CUX2: variants seen among roughly 807,000 people sequenced by gnomAD.
CUX2 encodes the protein homeobox protein cut-like 2.
In CUX2, 40 loss-of-function variants were observed where a neutral mutation model predicts 144.8. The observed-to-expected ratio is 0.28, with a 90% CI of 0.21 to 0.36. The LOEUF is 0.36. Ranked by LOEUF, CUX2 falls within the 10% of genes least tolerant of loss-of-function variation. CUX2 has a pLI of 1.00. For missense variants in CUX2, 1,615 were observed against 1,994.0 expected (o/e 0.81, Z 3.62); for synonymous variants, 827 against 875.6 (o/e 0.94, Z 0.98).
intron 1 of CUX2, among the ~76,000 whole-genome samples, chr12:111,085,695 A>G (rs774305267): frequency 3.9e-5 from 6 of 152,262 alleles, no homozygotes; most frequent in South Asian, 2.1e-4. Context: ...GCCACAGCAC[A>G]TCTTTCGCCT....
intron 1 of CUX2, among the ~76,000 whole-genome samples, chr12:111,200,982 T>C (rs991153016): frequency 6.6e-6 from 1 of 152,066 alleles, no homozygotes; most frequent in South Asian, 2.1e-4. Context: ...ATTTAAACAA[T>C]AGTGGGGCAG....
At chr12:111,229,042 G>A (rs535631971) in intron 3 of CUX2, among the ~76,000 whole-genome samples, 3 of 152,170 alleles carry the variant, frequency 2.0e-5, no homozygotes, top group Non-Finnish European at 4.4e-5. Flanking sequence ...ATATAAAGGC[G>A]TAGAACAGTG....
rs111264693 is a variant in CUX2, at chr12:111,098,717, CCT to C, written c.63+64484_63+64485del. On this transcript the variant is annotated intron_variant, in intron 1 of 21. Coordinates refer to ENST00000261726, the MANE Select transcript of CUX2 (RefSeq NM_015267.4). Reference sequence around the variant, plus strand: ...AAGAGCAGGAAGCCAACGTCACCTCCCTCTCTCTAGCAAGGACTCATGTTGGT... The same window carrying C: ...AAGAGCAGGAAGCCAACGTCACCTCCCTCTCTAGCAAGGACTCATGTTGGT... Among the ~76,000 whole-genome samples the C allele has an allele frequency of 9.0e-3, 1,373 of 152,350 alleles. 28 individuals carry two copies. Among genetic ancestry groups the C allele is most frequent in the African/African-American group, 0.031 (1,286 of 41,590 alleles).
chr12:111,346,425 G>A (rs1466527198), intron 21 of CUX2, among the ~76,000 whole-genome samples: 1 of 149,598 alleles, frequency 6.7e-6, no homozygotes, highest in African/African-American at 2.5e-5. Flanking sequence ...GCAGTGAGCC[G>A]CGATTGCGCC....
At chr12:111,314,639 T>TAA (rs954472479) in intron 16 of CUX2, among the ~76,000 whole-genome samples, 64 of 23,212 alleles carry the variant, frequency 2.8e-3, no homozygotes, top group South Asian at 3.6e-3. Flanking sequence ...AAACTCAGTC[T>TAA]AAAAAAAAAA....
At chr12:111,142,043 C>G (rs1389830303) in intron 1 of CUX2, among the ~76,000 whole-genome samples, 2 of 152,162 alleles carry the variant, frequency 1.3e-5, no homozygotes, top group Non-Finnish European at 2.9e-5. Flanking sequence ...AAGATCACGC[C>G]ACTGCACTCC....
At chr12:111,219,696 G>T (rs1488015616) in intron 3 of CUX2, among the ~76,000 whole-genome samples, 1 of 152,204 alleles carries the variant, frequency 6.6e-6, no homozygotes, top group African/African-American at 2.4e-5. Flanking sequence ...TGTAATGTCT[G>T]ACACACGAAG....
chr12:111,140,533 G>A (rs565788107), intron 1 of CUX2, among the ~76,000 whole-genome samples: 4 of 152,308 alleles, frequency 2.6e-5, no homozygotes, highest in African/African-American at 4.8e-5. Flanking sequence ...TTCCAGCTTC[G>A]TGGCTGGGTG....
chr12:111,128,202 A>G (rs2136105857), intron 1 of CUX2, among the ~76,000 whole-genome samples: 1 of 152,324 alleles, frequency 6.6e-6, no homozygotes, highest in South Asian at 2.1e-4. Context: ...GAATTGCAGG[A>G]CTGGCCATTT....
At chr12:111,085,171 T>A (rs1457129872) in intron 1 of CUX2, among the ~76,000 whole-genome samples, 1 of 152,174 alleles carries the variant, frequency 6.6e-6, no homozygotes, top group East Asian at 1.9e-4. Flanking sequence ...ATGGAGGTGC[T>A]GTGGTGTGCT....
At position 111,293,459 on chromosome 12, in the gene CUX2, G is replaced by A. The variant is rs767661888; in HGVS notation, c.450G>A (p.Gly150=). ...TTCTCCCTGCAGAGCAGAGAGAGGG[G>A]ACGTCGCCTGCCGGGCCCACGCTGA... The part of the protein sequence containing the change: ...ELLSPKEQRE[G]TSPAGPTLTE... The change falls in exon 6 of 22, where the codon GGG becomes GGA. Residue 150 remains glycine (G), a synonymous_variant. Coordinates refer to ENST00000261726, the MANE Select transcript of CUX2 (RefSeq NM_015267.4). This position sits in a 1 kb window ranked among gnomAD's most constrained non-coding sequence, Gnocchi z 4.5. 3.5e-5 allele frequency: 57 copies of A among 1,608,212 alleles called. No homozygotes were observed. Among genetic ancestry groups the A allele is most frequent in the Non-Finnish European group, 4.5e-5 (53 of 1,178,362 alleles).
intron 1 of CUX2, among the ~76,000 whole-genome samples, chr12:111,054,068 T>C (rs1344728335): frequency 6.6e-6 from 1 of 152,050 alleles, no homozygotes; most frequent in African/African-American, 2.4e-5. Context: ...GCAGGAGAAT[T>C]GCTTGAACCC....
At chr12:111,054,960 A>G (rs565333827) in intron 1 of CUX2, among the ~76,000 whole-genome samples, 2 of 152,298 alleles carry the variant, frequency 1.3e-5, no homozygotes, top group East Asian at 3.9e-4. Context: ...TTTGCAGAGG[A>G]GGAAGCTGAG....
intron 1 of CUX2, among the ~76,000 whole-genome samples, chr12:111,105,771 C>T (rs1352454323): frequency 6.6e-6 from 1 of 152,152 alleles, no homozygotes. Context: ...AACAGTAATA[C>T]CTGCTGCATG....
chr12:111,119,732 A>G (rs1202704710), intron 1 of CUX2, among the ~76,000 whole-genome samples: 2 of 152,222 alleles, frequency 1.3e-5, no homozygotes, highest in Admixed American at 6.5e-5. Flanking sequence ...GCATGAATAC[A>G]CTGAAAAAAT....
Position 111,034,166 on chromosome 12 carries a change from A to G in CUX2, c.-12A>G. ...CAAACTCTTGTGTGTGCGCGTCTCG[A>G]TAGCCCCCAAGATGGCCGCCAATGT... On this transcript the variant is annotated 5_prime_UTR_variant, in exon 1 of 22. Transcript: ENST00000261726. This position sits in a 1 kb window ranked among gnomAD's most constrained non-coding sequence, Gnocchi z 4.2. 1 of 1,394,308 alleles carries G rather than the reference A, an allele frequency of 7.2e-7. No homozygotes were observed. The highest frequency in any genetic ancestry group is 9.6e-7 in the Non-Finnish European group (1 of 1,044,554). 86.4% of individuals were successfully genotyped at this position (1,394,308 alleles called of 1,614,324 possible). A position where few individuals can be genotyped will look rare whatever the true frequency, so the allele number is the denominator to read the frequency against.
chr12:111,346,457 C>T (rs1057104217), intron 21 of CUX2, among the ~76,000 whole-genome samples: 22 of 144,632 alleles, frequency 1.5e-4, no homozygotes, highest in Middle Eastern at 3.6e-3. Context: ...GCCTGGGCAA[C>T]AGAGCGAGAC....
chr12:111,303,203 A>AG, intron 9 of CUX2, among the ~76,000 whole-genome samples: 1 of 132,040 alleles, frequency 7.6e-6, no homozygotes, highest in East Asian at 2.7e-4. Context: ...CCTGGGTGAC[A>AG]GAGCGAGACC....
At chr12:111,225,615 G>A (rs1174044206) in intron 3 of CUX2, among the ~76,000 whole-genome samples, 2 of 152,192 alleles carry the variant, frequency 1.3e-5, no homozygotes, top group Admixed American at 6.5e-5. Flanking sequence ...AGGGCCAAAC[G>A]GGCCCCTTGA....
Sources: allele counts gnomAD v4.1 joint callset (sites outside exome capture counted in the v4.1 genomes callset), GRCh38; gene constraint gnomAD v4.1.1; non-coding constraint Gnocchi (gnomAD v3.1); transcripts MANE v1.5; gene names NCBI Gene and HGNC (gene_info 2026-07-23, HGNC 2026-07-21).